Variants in RAI1 observed in about 807,000 individuals in gnomAD.
RAI1 encodes the protein retinoic acid-induced protein 1.
Under a neutral mutation model 123.8 loss-of-function variants are expected in RAI1, and 9 were observed. The observed-to-expected ratio is 0.07, with a 90% CI of 0.04 to 0.13. RAI1 has a LOEUF of 0.13. Ranked by LOEUF, RAI1 falls within the 10% of genes least tolerant of loss-of-function variation. The pLI, the probability that RAI1 is intolerant of heterozygous loss-of-function variation, is 1.00. For synonymous variants in RAI1, 1,231 were observed against 1,127.3 expected (o/e 1.09, Z -1.84); for missense variants, 2,256 against 2,545.8 (o/e 0.89, Z 2.45).
chr17:17,794,714 C>T lies in RAI1; in HGVS notation c.1766C>T (p.Ala589Val), dbSNP rs1226126106. 5.6e-6 allele frequency: 9 copies of T among 1,611,206 alleles called. No individual in the cohort carries two copies. The highest frequency in any genetic ancestry group is 7.6e-6 in the Non-Finnish European group (9 of 1,180,036). Residue 589 changes from alanine to valine, a missense_variant, in exon 3 of 6, where the codon GCG becomes GTG. Around this residue, in one of 7 missense-constraint regions of RAI1, gnomAD observed 357 missense variants for 480.2 expected, o/e 0.74. Coordinates refer to ENST00000353383, the MANE Select transcript of RAI1 (RefSeq NM_030665.4). ...LPLDSFSKFV[A>V]GERDCPRLLL... ...CTCGACAGCTTCTCCAAGTTCGTGGCGGGTGAGCGGGACTGTCCGCGGCTG... is the reference window on the plus strand; with the variant it reads ...CTCGACAGCTTCTCCAAGTTCGTGGTGGGTGAGCGGGACTGTCCGCGGCTG...
At chr17:17,764,820 C>G (rs1013520546) in intron 2 of RAI1, among the ~76,000 whole-genome samples, 2 of 152,240 alleles carry the variant, frequency 1.3e-5, no homozygotes, top group African/African-American at 4.8e-5. Context: ...GAACTCCTGG[C>G]CTCAAGCTAT....
intron 2 of RAI1, among the ~76,000 whole-genome samples, chr17:17,767,187 C>T (rs1011818405): frequency 6.6e-6 from 1 of 152,140 alleles, no homozygotes; most frequent in Admixed American, 6.5e-5. Flanking sequence ...AGGGAGGACC[C>T]CGGGGCCTGA....
chr17:17,723,603 G>C (rs1915963005), intron 1 of RAI1, among the ~76,000 whole-genome samples: 5 of 149,406 alleles, frequency 3.3e-5, no homozygotes, highest in Admixed American at 2.6e-4. Flanking sequence ...GCCCCGCGGT[G>C]AGAGCCAAGG....
At chr17:17,735,355 T>C (rs955746041) in intron 2 of RAI1, among the ~76,000 whole-genome samples, 3 of 140,170 alleles carry the variant, frequency 2.1e-5, no homozygotes, top group African/African-American at 7.9e-5. Flanking sequence ...TGCCCAGCCT[T>C]TTTTTTTTTT....
chr17:17,811,084 AGTCCGTCCGCCT>A lies in RAI1; in HGVS notation c.*1113_*1124del, dbSNP rs920000802. 1.1e-4 allele frequency: 33 copies of A among 293,092 alleles called. 1 individual carries two copies. The highest frequency in any genetic ancestry group is 5.9e-4 in the African/African-American group (26 of 43,722). 18.2% of individuals were successfully genotyped at this position (293,092 alleles called of 1,614,324 possible). On this transcript the variant is annotated 3_prime_UTR_variant, in exon 6 of 6. Transcript: ENST00000353383. ...CCACCGGCCCGGGCCAGTCCCTGCCAGTCCGTCCGCCTGTCCGTCCGTGTCCTCAGCTCTGTC... is the reference window on the plus strand; with the variant it reads ...CCACCGGCCCGGGCCAGTCCCTGCCAGTCCGTCCGTGTCCTCAGCTCTGTC...
rs576184968 is a variant in RAI1, at chr17:17,693,247, G to A, written c.-149+11454G>A. Among the ~76,000 whole-genome samples the A allele has an allele frequency of 1.8e-4, 27 of 152,278 alleles. No individual in the cohort carries two copies. In the South Asian group the frequency reaches 5.0e-3, roughly 28 times the overall value. ...CCCAGAAAGAGTGAGGATGGGTGAG[G>A]GCCATGAAACCAGGGCATCATTCCT... is the stretch of plus-strand genomic sequence containing the variant. On this transcript the variant is annotated intron_variant, in intron 1 of 5. Transcript: ENST00000353383.
rs553395082 is a variant in RAI1 at position 17,784,618 on chromosome 17, G to A, written c.-16-8315G>A. 1.3e-3 allele frequency among the ~76,000 whole-genome samples: 200 copies of A among 152,196 alleles called. 6 individuals carry two copies. In the South Asian group the frequency reaches 0.041, roughly 31 times the overall value. Reference sequence around the variant, plus strand: ...ACAGCTGGTCTTGTAGGCCAGGAGAGGGGGGGTGTAGGCAGCACCACGTAG... The same window carrying A: ...ACAGCTGGTCTTGTAGGCCAGGAGAAGGGGGGTGTAGGCAGCACCACGTAG... On this transcript the variant is annotated intron_variant, in intron 2 of 5. Transcript: ENST00000353383.
At chr17:17,775,155 G>A (rs1017963516) in intron 2 of RAI1, among the ~76,000 whole-genome samples, 19 of 152,096 alleles carry the variant, frequency 1.2e-4, no homozygotes, top group African/African-American at 4.1e-4. Flanking sequence ...TGAACAATGT[G>A]GGGGTTAGGG....
chr17:17,688,952 A>G (rs1914744498), intron 1 of RAI1, among the ~76,000 whole-genome samples: 1 of 144,578 alleles, frequency 6.9e-6, no homozygotes, highest in Non-Finnish European at 1.5e-5. Flanking sequence ...GATCACCATT[A>G]TGATTATTAT....
chr17:17,701,407 C>T (rs904477960), intron 1 of RAI1, among the ~76,000 whole-genome samples: 14 of 152,140 alleles, frequency 9.2e-5, no homozygotes, highest in African/African-American at 3.4e-4. Flanking sequence ...CCCTGTGCTC[C>T]TCCCCACCCC....
intron 2 of RAI1, among the ~76,000 whole-genome samples, chr17:17,776,113 G>A (rs540610500): frequency 3.3e-5 from 5 of 152,314 alleles, no homozygotes; most frequent in East Asian, 3.9e-4. Flanking sequence ...CCTATCTTGC[G>A]CATTGCAGGA....
rs540759179 is a variant in RAI1, at chr17:17,760,649, G to A, written c.-16-32284G>A. 4.6e-5 allele frequency among the ~76,000 whole-genome samples: 7 copies of A among 152,356 alleles called. No individual in the cohort carries two copies. The South Asian group carries it at 1.2e-3, about 27-fold the overall frequency. ...GTCTAGAAGCTGGAGCTGCTGTGGG[G>A]CCTGGGCCTTGGTCTCCTCGGCTGT... On this transcript the variant is annotated intron_variant, in intron 2 of 5. Transcript: ENST00000353383.
chr17:17,809,908 C>T lies in RAI1; in HGVS notation c.5710-62C>T, dbSNP rs1229738323. 3 of 1,547,778 alleles carry T rather than the reference C, an allele frequency of 1.9e-6. No homozygotes were observed. The highest frequency in any genetic ancestry group is 2.4e-5 in the East Asian group (1 of 41,122). On this transcript the variant is annotated intron_variant, in intron 5 of 5. Transcript: ENST00000353383. The surrounding 1 kb of genome is among the most constrained non-coding windows in gnomAD (Gnocchi z 4.9). ...TTAGGCGGGGGGCCCACACTGGGGG[C>T]GGGGCCTATGGACTGTGAAGTCCGA...
chr17:17,778,848 G>A (rs892612966), intron 2 of RAI1: 6 of 456,692 alleles, frequency 1.3e-5, no homozygotes, highest in Non-Finnish European at 2.2e-5. Flanking sequence ...CCCAGATGCT[G>A]AGTGACTAGA....
chr17:17,689,679 C>T (rs1000733147), intron 1 of RAI1, among the ~76,000 whole-genome samples: 15 of 152,186 alleles, frequency 9.9e-5, no homozygotes, highest in African/African-American at 3.4e-4. Flanking sequence ...CTACCACTTG[C>T]GAACTTAGCC....
intron 2 of RAI1, among the ~76,000 whole-genome samples, chr17:17,785,059 T>C (rs1470657204): frequency 1.3e-5 from 2 of 152,188 alleles, no homozygotes; most frequent in Non-Finnish European, 2.9e-5. Context: ...GGCAGTTGTA[T>C]GTGTGTCTGC....
intron 1 of RAI1, among the ~76,000 whole-genome samples, chr17:17,690,531 G>A (rs1031649126): frequency 6.6e-6 from 1 of 152,104 alleles, no homozygotes; most frequent in African/African-American, 2.4e-5. Flanking sequence ...CCCTAAGCCC[G>A]TTTCCTCCTT....
At chr17:17,739,332 G>A (rs1362579146) in intron 2 of RAI1, among the ~76,000 whole-genome samples, 28 of 152,168 alleles carry the variant, frequency 1.8e-4, no homozygotes. Context: ...TGGACAGGAT[G>A]GGACAAGCCA....
At chr17:17,780,803 G>A (rs1029370677) in intron 2 of RAI1, among the ~76,000 whole-genome samples, 2 of 152,150 alleles carry the variant, frequency 1.3e-5, no homozygotes, top group Non-Finnish European at 2.9e-5. Flanking sequence ...TAGCTGGCTG[G>A]GGGAGAAGCC....
Sources: gnomAD v4.1 joint callset for allele counts (sites outside exome capture counted in the v4.1 genomes callset) on GRCh38, gnomAD v4.1.1 for gene constraint, gnomAD v4.1.1 regional missense constraint, Gnocchi (gnomAD v3.1) non-coding constraint, MANE v1.5 for transcripts, NCBI Gene and HGNC (gene_info 2026-07-23, HGNC 2026-07-21) for gene names.